The following RARB variants were observed in gnomAD, a reference collection of about 807,000 sequenced individuals.
RARB encodes the protein HBV-activated protein.
Under a neutral mutation model 51.9 loss-of-function variants are expected in RARB, and 17 were observed. The observed-to-expected ratio is 0.33, with a 90% CI of 0.22 to 0.49. The LOEUF (loss-of-function observed/expected upper bound fraction) is 0.49, where lower values mean the gene tolerates loss of function less well. Ranked by LOEUF, RARB falls within the 20% of genes least tolerant of loss-of-function variation. The pLI is 0.99. For synonymous variants in RARB, 215 were observed against 195.4 expected, an observed-to-expected ratio of 1.10 and a Z score of -0.84; for missense variants, 369 against 550.8, an observed-to-expected ratio of 0.67 and a Z score of 3.30.
intron 5 of RARB, among the ~76,000 whole-genome samples, chr3:25,208,711 A>T (rs1337506074): frequency 6.6e-6 from 1 of 152,072 alleles, no homozygotes; most frequent in East Asian, 1.9e-4. Context: ...TTACAGAAGA[A>T]ATGTATTTCC....
intron 1 of RARB, among the ~76,000 whole-genome samples, chr3:24,846,632 A>G (rs1033466865): frequency 6.6e-6 from 1 of 152,198 alleles, no homozygotes; most frequent in African/African-American, 2.4e-5. Context: ...TGCCTAGTAC[A>G]CAGGCTGCTG....
intron 2 of RARB, among the ~76,000 whole-genome samples, chr3:24,861,768 GA>G (rs949698913): frequency 3.3e-5 from 5 of 152,132 alleles, no homozygotes; most frequent in Admixed American, 1.3e-4. Flanking sequence ...GTAGCCTCTG[GA>G]AAACTGCACT....
At chr3:25,221,233 A>G (rs2125384597) in intron 5 of RARB, among the ~76,000 whole-genome samples, 1 of 152,340 alleles carries the variant, frequency 6.6e-6, no homozygotes, top group Middle Eastern at 3.4e-3. Flanking sequence ...CCTAAGCATC[A>G]TAGCAGTCAA....
At chr3:24,914,805 G>C (rs1178126702) in intron 2 of RARB, among the ~76,000 whole-genome samples, 1 of 152,148 alleles carries the variant, frequency 6.6e-6, no homozygotes, top group Non-Finnish European at 1.5e-5. Context: ...TCGAGATACA[G>C]AGGGTCCACC....
At position 25,496,970 on chromosome 3, in the gene RARB, T is replaced by C. The variant is rs890520209; in HGVS notation, c.307-4212T>C. Among the ~76,000 whole-genome samples the C allele has an allele frequency of 5.9e-5, 9 of 152,294 alleles. No individual in the cohort carries two copies. The East Asian group carries it at 1.7e-3, about 29-fold the overall frequency. ...CACAATCTCAGCTCACTGCAACCTCTGCCTCCCGGGTTCAAGCGATTCTCC... is the reference window on the plus strand; with the variant it reads ...CACAATCTCAGCTCACTGCAACCTCCGCCTCCCGGGTTCAAGCGATTCTCC... On this transcript the variant is annotated intron_variant, in intron 2 of 7. Coordinates refer to ENST00000330688, the MANE Select transcript of RARB (RefSeq NM_000965.5).
chr3:25,158,787 G>C (rs1017130236), intron 4 of RARB, among the ~76,000 whole-genome samples: 4 of 152,168 alleles, frequency 2.6e-5, no homozygotes, highest in Non-Finnish European at 5.9e-5. Flanking sequence ...CACGTAGGAA[G>C]GCTGTGCTCC....
At chr3:24,918,083 C>G (rs1358419255) in intron 2 of RARB, among the ~76,000 whole-genome samples, 1 of 152,184 alleles carries the variant, frequency 6.6e-6, no homozygotes, top group African/African-American at 2.4e-5. Flanking sequence ...TACATCCACA[C>G]AAAGGCCTCA....
intron 5 of RARB, among the ~76,000 whole-genome samples, chr3:25,186,129 A>AT (rs34601403): frequency 0.99 from 150,720 of 152,186 alleles, 74,632 homozygotes; most frequent in East Asian, 1. Flanking sequence ...TGCAAGTCAG[A>AT]AAAAAAGACA....
chr3:24,892,396 G>A (rs1161002465), intron 2 of RARB, among the ~76,000 whole-genome samples: 1 of 152,056 alleles, frequency 6.6e-6, no homozygotes, highest in African/African-American at 2.4e-5. Context: ...CCAGTTGATG[G>A]TATAAACTGC....
At chr3:25,035,252 G>C (rs988373398) in intron 2 of RARB, among the ~76,000 whole-genome samples, 5 of 151,896 alleles carry the variant, frequency 3.3e-5, no homozygotes, top group Non-Finnish European at 5.9e-5. Flanking sequence ...CTCCCACGTA[G>C]CTGGGACTAC....
intron 1 of RARB, among the ~76,000 whole-genome samples, chr3:25,453,617 C>T (rs1709294852): frequency 1.3e-5 from 2 of 152,208 alleles, no homozygotes; most frequent in African/African-American, 2.4e-5. Flanking sequence ...CTGAGCAAGG[C>T]TTTATTAAAG....
intron 3 of RARB, among the ~76,000 whole-genome samples, chr3:25,564,811 C>G (rs930886366): frequency 6.6e-6 from 1 of 152,074 alleles, no homozygotes; most frequent in Non-Finnish European, 1.5e-5. Flanking sequence ...AGAGGTGCAC[C>G]GTACCTGAAA....
chr3:25,026,406 G>A (rs1352333836), intron 2 of RARB, among the ~76,000 whole-genome samples: 1 of 152,236 alleles, frequency 6.6e-6, no homozygotes, highest in African/African-American at 2.4e-5. Context: ...GTTGGTGGGT[G>A]TCGTGTCCTC....
chr3:25,482,374 T>C (rs1696263905), intron 2 of RARB, among the ~76,000 whole-genome samples: 1 of 152,112 alleles, frequency 6.6e-6, no homozygotes, highest in Non-Finnish European at 1.5e-5. Flanking sequence ...TGAAAAATAA[T>C]CATTTTGGTC....
intron 3 of RARB, among the ~76,000 whole-genome samples, chr3:25,126,628 C>T (rs1193357307): frequency 6.6e-6 from 1 of 152,110 alleles, no homozygotes; most frequent in East Asian, 1.9e-4. Flanking sequence ...ATTATCTTTC[C>T]AGCCAGGTGA....
chr3:25,474,482 C>A (rs902140356), intron 2 of RARB, among the ~76,000 whole-genome samples: 5 of 151,948 alleles, frequency 3.3e-5, no homozygotes, highest in Admixed American at 2.6e-4. Flanking sequence ...TTTTCAGTTT[C>A]CAGAGTCATC....
At chr3:25,263,460 A>G (rs1280885675) in intron 5 of RARB, among the ~76,000 whole-genome samples, 1 of 152,118 alleles carries the variant, frequency 6.6e-6, no homozygotes, top group Non-Finnish European at 1.5e-5. Context: ...GTCTACTTAA[A>G]TGAGAGGCCA....
intron 5 of RARB, among the ~76,000 whole-genome samples, chr3:25,204,770 G>C (rs919414357): frequency 6.6e-6 from 1 of 152,192 alleles, no homozygotes; most frequent in African/African-American, 2.4e-5. Context: ...GTTGCTGCCT[G>C]AATGTTCCTC....
intron 5 of RARB, among the ~76,000 whole-genome samples, chr3:25,315,301 T>G (rs1347526841): frequency 6.6e-6 from 1 of 152,168 alleles, no homozygotes; most frequent in African/African-American, 2.4e-5. Context: ...AGGGGCTTAC[T>G]TGAGAAGTAT....
Sources: gnomAD v4.1 joint callset for allele counts (sites outside exome capture counted in the v4.1 genomes callset) on GRCh38, gnomAD v4.1.1 for gene constraint, MANE v1.5 for transcripts, NCBI Gene and HGNC (gene_info 2026-07-23, HGNC 2026-07-21) for gene names.